Variants in FUBP3 observed in about 807,000 individuals in gnomAD.
FUBP3 encodes the protein far upstream element binding protein 3.
A neutral mutation model predicts 85.6 loss-of-function variants in FUBP3; 28 were observed. That is an observed-to-expected ratio of 0.33 (90% CI 0.24 to 0.45). The LOEUF (loss-of-function observed/expected upper bound fraction) is 0.45, where lower values mean the gene tolerates loss of function less well. FUBP3 is among the 20% of genes least tolerant of loss of function. The probability of loss-of-function intolerance (pLI) is 1.00; values close to 1 mark genes in which losing one functional copy is unlikely to be tolerated. For missense variants in FUBP3, 583 were observed against 755.1 expected (o/e 0.77, Z 2.67); for synonymous variants, 271 against 271.4 (o/e 1.00, Z 0.01).
intron 2 of FUBP3, among the ~76,000 whole-genome samples, chr9:130,596,484 C>A: frequency 6.6e-6 from 1 of 151,454 alleles, no homozygotes; most frequent in East Asian, 1.9e-4. Context: ...TTTGCCATGA[C>A]TCATTTCTCT....
chr9:130,615,259 G>C (rs1831942883), intron 6 of FUBP3, among the ~76,000 whole-genome samples: 2 of 152,140 alleles, frequency 1.3e-5, no homozygotes, highest in South Asian at 4.1e-4. Context: ...ATATTAAAAA[G>C]CTGCTGTAAC....
chr9:130,627,543 C>G (rs1472662747), intron 12 of FUBP3, among the ~76,000 whole-genome samples: 3 of 152,262 alleles, frequency 2.0e-5, no homozygotes, highest in African/African-American at 4.8e-5. Flanking sequence ...CTCACAGACA[C>G]TGTGGGCTTA....
intron 1 of FUBP3, chr9:130,581,067 TG>T (rs928060903): frequency 2.0e-5 from 3 of 152,264 alleles, no homozygotes; most frequent in Non-Finnish European, 4.4e-5. Flanking sequence ...GCTACTAATA[TG>T]TAATGGCTTT....
At chr9:130,631,135 G>A in intron 13 of FUBP3, 1 of 1,154,892 alleles carries the variant, frequency 8.7e-7, no homozygotes, top group Non-Finnish European at 1.1e-6. Context: ...AGCCCAGCAG[G>A]CAGCTTTCAT....
intron 1 of FUBP3, chr9:130,581,150 A>G (rs147285349): frequency 6.6e-6 from 1 of 152,352 alleles, no homozygotes; most frequent in East Asian, 1.9e-4. Flanking sequence ...TCACTGCCCT[A>G]AAGGGCTCAG....
rs149394289 is a variant in FUBP3, at chr9:130,600,308, T to G, written c.190+4720T>G. ...GCCTACGTGATGTGGCCATAAAGACTGGCTTCATTTCCCATGGACTCTTCA... is the reference window on the plus strand; with the variant it reads ...GCCTACGTGATGTGGCCATAAAGACGGGCTTCATTTCCCATGGACTCTTCA... On this transcript the variant is annotated intron_variant, in intron 2 of 18. Coordinates refer to ENST00000319725, the MANE Select transcript of FUBP3 (RefSeq NM_003934.2). Among the ~76,000 whole-genome samples the G allele has an allele frequency of 2.7e-3, 413 of 152,294 alleles. 8 individuals carry two copies. Among genetic ancestry groups the G allele is most frequent in the African/African-American group, 9.7e-3 (404 of 41,550 alleles).
chr9:130,636,902 CA>C (rs1248435548), intron 18 of FUBP3, 111 bp from the exon 19 acceptor site: 1 of 877,358 alleles, frequency 1.1e-6, no homozygotes, highest in Non-Finnish European at 2.0e-6. Context: ...ACCTCTTCAG[CA>C]GAGGTTTTGT....
intron 15 of FUBP3, 81 bp downstream of exon 15, chr9:130,632,103 G>A: frequency 6.8e-7 from 1 of 1,463,944 alleles, no homozygotes; most frequent in Non-Finnish European, 9.6e-7. Context: ...CAAGGGTCCG[G>A]TGATGCTTGG....
At chr9:130,624,779 T>C (rs1296506260) in intron 11 of FUBP3, among the ~76,000 whole-genome samples, 1 of 152,160 alleles carries the variant, frequency 6.6e-6, no homozygotes, top group Non-Finnish European at 1.5e-5. Flanking sequence ...TAACATCCTT[T>C]TTTTGTAGCA....
chr9:130,606,874 A>C (rs982354950), intron 2 of FUBP3, among the ~76,000 whole-genome samples: 2 of 151,074 alleles, frequency 1.3e-5, no homozygotes, highest in African/African-American at 4.9e-5. Context: ...TTCCCAGTGC[A>C]GTTTTGTTTC....
At chr9:130,600,341 G>A (rs910860860) in intron 2 of FUBP3, among the ~76,000 whole-genome samples, 3 of 152,038 alleles carry the variant, frequency 2.0e-5, no homozygotes, top group Non-Finnish European at 4.4e-5. Flanking sequence ...TCATGCTCAA[G>A]TTCTCCCATG....
At position 130,595,433 on chromosome 9, in the gene FUBP3, G is replaced by C. The variant is rs769238240; in HGVS notation, c.85-50G>C. 5 of 913,928 alleles carry C rather than the reference G, an allele frequency of 5.5e-6. No individual in the cohort carries two copies. In the African/African-American group the frequency reaches 8.1e-5, roughly 15 times the overall value. The allele number at this position is 913,928 out of a possible 1,614,324, so 56.6% of individuals were successfully genotyped here. ...AGAGGACACTTGTCTTTCTCCCTCA[G>C]ATAGAGCCATGGTTTGTTACTGAGT... On this transcript the variant is annotated intron_variant, in intron 1 of 18. Coordinates refer to ENST00000319725, the MANE Select transcript of FUBP3 (RefSeq NM_003934.2).
chr9:130,595,806 T>A (rs551966696), intron 2 of FUBP3, among the ~76,000 whole-genome samples: 46 of 152,236 alleles, frequency 3.0e-4, no homozygotes, highest in Non-Finnish European at 5.6e-4. Flanking sequence ...GGCTCTGAGA[T>A]AAAGACTTGG....
intron 1 of FUBP3, among the ~76,000 whole-genome samples, chr9:130,586,776 A>G (rs1180803381): frequency 5.0e-4 from 41 of 81,280 alleles, no homozygotes; most frequent in South Asian, 1.2e-3. Flanking sequence ...TTTCAGACGG[A>G]GTCTCGCTCT....
chr9:130,596,565 A>C (rs1171130219), intron 2 of FUBP3: 1 of 289,178 alleles, frequency 3.5e-6, no homozygotes, highest in African/African-American at 2.3e-5. Context: ...CTCAGGCTAG[A>C]GTGCAGTGGC....
intron 2 of FUBP3, among the ~76,000 whole-genome samples, chr9:130,606,895 GA>G (rs200301425): frequency 0.06 from 7,695 of 127,310 alleles, 325 homozygotes; most frequent in South Asian, 0.087. Flanking sequence ...TTTTGGAGGA[GA>G]AAAAAAAAAT....
rs1831901891 is a variant in FUBP3 at position 130,614,473 on chromosome 9, T to C, written c.404+128T>C. On this transcript the variant is annotated intron_variant, in intron 6 of 18. Coordinates refer to ENST00000319725, the MANE Select transcript of FUBP3 (RefSeq NM_003934.2). ...CAGTCTGGCCACACAGGTAGATAAT[T>C]CCATAGGAAAAAAATCTGGGAGGTT... 5.2e-6 allele frequency: 3 copies of C among 580,948 alleles called. No individual in the cohort carries two copies. In the Admixed American group the frequency reaches 8.6e-5, roughly 17 times the overall value. The allele number at this position is 580,948 out of a possible 1,614,324, so 36.0% of individuals were successfully genotyped here.
At chr9:130,607,744 G>A (rs1831531428) in intron 2 of FUBP3, among the ~76,000 whole-genome samples, 1 of 152,174 alleles carries the variant, frequency 6.6e-6, no homozygotes, top group Admixed American at 6.5e-5. Context: ...GAATGAAACT[G>A]CAATCACATG....
intron 1 of FUBP3, among the ~76,000 whole-genome samples, chr9:130,589,791 A>C (rs1031301522): frequency 7.0e-6 from 1 of 142,584 alleles, no homozygotes; most frequent in Non-Finnish European, 1.5e-5. Flanking sequence ...GCTCACTGTA[A>C]CTTTGAACTC....
Sources: gnomAD v4.1 joint callset for allele counts (sites outside exome capture counted in the v4.1 genomes callset) on GRCh38, gnomAD v4.1.1 for gene constraint, MANE v1.5 for transcripts, NCBI Gene and HGNC (gene_info 2026-07-23, HGNC 2026-07-21) for gene names.